RBM47: variants seen among roughly 807,000 people sequenced by gnomAD.
The protein encoded by RBM47 is RNA-binding protein 47.
In RBM47, 21 loss-of-function variants were observed where a neutral mutation model predicts 47.1. The ratio of observed to expected loss-of-function variants is 0.45; its 90% CI spans 0.32 to 0.64. RBM47 has a LOEUF of 0.64. Among genes scored for constraint, RBM47 ranks in the 30% least tolerant of loss-of-function variants. RBM47 has a pLI of 0.05. For missense variants in RBM47, 708 were observed against 870.9 expected (o/e 0.81, Z 2.35); for synonymous variants, 375 against 361.7 (o/e 1.04, Z -0.42).
intron 3 of RBM47, among the ~76,000 whole-genome samples, chr4:40,450,109 C>A (rs930244428): frequency 1.3e-5 from 2 of 152,166 alleles, no homozygotes; most frequent in African/African-American, 2.4e-5. Flanking sequence ...TTTTTCCAAT[C>A]CATGAACAAA....
chr4:40,438,837 G>C lies in RBM47; in HGVS notation c.57C>G (p.Ser19=), dbSNP rs1052153. ...AMSSDSAAGS[S]AKVPEGVAGA... is the part of the protein sequence containing the mutation. Reference sequence around the variant, plus strand: ...CCGCCACGCCCTCGGGCACCTTGGCGGAGGACCCGGCGGCCGAGTCACTGC... The same window carrying C: ...CCGCCACGCCCTCGGGCACCTTGGCCGAGGACCCGGCGGCCGAGTCACTGC... The change falls in exon 4 of 7, where the codon TCC becomes TCG. Residue 19 remains serine (S), a synonymous_variant. Coordinates refer to ENST00000295971, the MANE Select transcript of RBM47 (RefSeq NM_001098634.2). The C allele has an allele frequency of 0.88, 1,369,290 of 1,557,004 alleles. 603,850 individuals carry two copies. Among genetic ancestry groups the C allele is most frequent in the Non-Finnish European group, 0.9 (1,036,417 of 1,156,828 alleles).
chr4:40,452,462 C>T (rs1715590345), intron 3 of RBM47, among the ~76,000 whole-genome samples: 1 of 152,046 alleles, frequency 6.6e-6, no homozygotes, highest in Non-Finnish European at 1.5e-5. Flanking sequence ...TTTATTTATT[C>T]AGAGGAATAG....
At chr4:40,538,700 A>C (rs1173943118) in intron 2 of RBM47, among the ~76,000 whole-genome samples, 1 of 151,664 alleles carries the variant, frequency 6.6e-6, no homozygotes, top group African/African-American at 2.4e-5. Flanking sequence ...GGAGTGGCAC[A>C]ATCTTGGTTC....
chr4:40,430,385 C>T (rs1180827479), intron 6 of RBM47, among the ~76,000 whole-genome samples: 1 of 152,178 alleles, frequency 6.6e-6, no homozygotes, highest in Non-Finnish European at 1.5e-5. Context: ...TCATGAATTT[C>T]TTACTAAAGG....
Position 40,425,857 on chromosome 4 carries a change from T to C in RBM47, c.*47A>G, listed in dbSNP as rs764603609. On this transcript the variant is annotated 3_prime_UTR_variant, in exon 7 of 7. Transcript: ENST00000295971. The stretch of plus-strand genomic sequence containing the variant: ...TCCTTCTTCATAAATAGTCAAGCGT[T>C]CCTTCAGTGGTGTTTGTGTGGTCTG... The C allele has an allele frequency of 6.3e-7, 1 of 1,586,682 alleles. No individual in the cohort carries two copies. Among genetic ancestry groups the C allele is most frequent in the Non-Finnish European group, 8.6e-7 (1 of 1,160,870 alleles).
chr4:40,508,236 T>G lies in RBM47; in HGVS notation c.-155+36186A>C, dbSNP rs139944115. ...TCACTGTAAAGTCATAAAACTTTTC[T>G]GATGCTTAGTTTCCTCATGTACAAA... On this transcript the variant is annotated intron_variant, in intron 2 of 6. Coordinates refer to ENST00000295971, the MANE Select transcript of RBM47 (RefSeq NM_001098634.2). Among the ~76,000 whole-genome samples the G allele has an allele frequency of 4.2e-3, 643 of 152,362 alleles. 15 individuals are homozygous for G. Among genetic ancestry groups the G allele is most frequent in the Admixed American group, 0.03 (465 of 15,304 alleles).
At chr4:40,431,320 G>A (rs1455541882) in intron 6 of RBM47, among the ~76,000 whole-genome samples, 3 of 152,112 alleles carry the variant, frequency 2.0e-5, no homozygotes, top group Non-Finnish European at 4.4e-5. Flanking sequence ...GAACACACTG[G>A]CAGCCATAGG....
chr4:40,600,945 A>T (rs1735211408), intron 1 of RBM47, among the ~76,000 whole-genome samples: 1 of 136,270 alleles, frequency 7.3e-6, no homozygotes, highest in African/African-American at 2.6e-5. Context: ...AGATCGCGCC[A>T]CTGCACTCTA....
intron 1 of RBM47, among the ~76,000 whole-genome samples, chr4:40,572,373 A>C (rs1162408787): frequency 6.6e-6 from 1 of 152,002 alleles, no homozygotes; most frequent in Non-Finnish European, 1.5e-5. Flanking sequence ...TCTCAAAAAA[A>C]AAAAGGCAAT....
chr4:40,597,636 C>A (rs1734876864), intron 1 of RBM47, among the ~76,000 whole-genome samples: 1 of 152,140 alleles, frequency 6.6e-6, no homozygotes, highest in Non-Finnish European at 1.5e-5. Flanking sequence ...AATATGTATT[C>A]ATTTAAATGA....
chr4:40,444,533 C>G (rs1297407067), intron 3 of RBM47, among the ~76,000 whole-genome samples: 1 of 152,126 alleles, frequency 6.6e-6, no homozygotes, highest in East Asian at 1.9e-4. Context: ...TATTTACTCT[C>G]CGGCTCTGTT....
At chr4:40,498,573 G>A (rs987745895) in intron 2 of RBM47, among the ~76,000 whole-genome samples, 2 of 150,976 alleles carry the variant, frequency 1.3e-5, no homozygotes, top group African/African-American at 4.9e-5. Context: ...AACTACTTGG[G>A]AGGCTAAGGC....
chr4:40,624,201 C>T (rs1212441182), intron 1 of RBM47, among the ~76,000 whole-genome samples: 2 of 152,140 alleles, frequency 1.3e-5, no homozygotes, highest in South Asian at 2.1e-4. Context: ...AGGCATTTTA[C>T]AGTTGGGGAA....
At chr4:40,542,975 C>T (rs540255003) in intron 2 of RBM47, 10 of 152,314 alleles carry the variant, frequency 6.6e-5, no homozygotes, top group African/African-American at 2.4e-4. Context: ...GTCCTAATTA[C>T]TTCTTAATTA....
In RBM47 at chr4:40,429,805, G is replaced by GT. The variant is rs370481391; in HGVS notation, c.1542+2845dup. On this transcript the variant is annotated intron_variant, in intron 6 of 6. Coordinates refer to ENST00000295971, the MANE Select transcript of RBM47 (RefSeq NM_001098634.2). The stretch of plus-strand genomic sequence containing the variant: ...CCTTGCTCTAACTATACCAAGAGGT[G>GT]TTGTTAAATTGGCTAAATAGGAACA... 3.2e-3 allele frequency among the ~76,000 whole-genome samples: 490 copies of GT among 151,658 alleles called. 4 individuals carry two copies. The highest frequency in any genetic ancestry group is 0.011 in the African/African-American group (468 of 41,290).
rs187305226 is a variant in RBM47 at position 40,479,881 on chromosome 4, C to T, written c.-154-13182G>A. ...CTATAGCTAACTCCTACATACAGCC[C>T]TTGTCCTTCACCAGGCACTGTTCTA... On this transcript the variant is annotated intron_variant, in intron 2 of 6. Transcript: ENST00000295971. 1.1e-3 allele frequency among the ~76,000 whole-genome samples: 167 copies of T among 152,102 alleles called. 2 individuals are homozygous for T. The highest frequency in any genetic ancestry group is 1.9e-3 in the Admixed American group (29 of 15,268).
At chr4:40,554,747 C>T (rs2154265008) in intron 1 of RBM47, among the ~76,000 whole-genome samples, 1 of 147,276 alleles carries the variant, frequency 6.8e-6, no homozygotes, top group African/African-American at 2.5e-5. Context: ...CCCCATCTCT[C>T]TCTCCTTTCT....
intron 1 of RBM47, among the ~76,000 whole-genome samples, chr4:40,624,915 G>A (rs1355506929): frequency 8.3e-4 from 1 of 1,210 alleles, no homozygotes; most frequent in Non-Finnish European, 1.5e-3. Context: ...GCAGTGGCGC[G>A]ATCAGCTCAC....
At chr4:40,471,534 C>T (rs1718872292) in intron 2 of RBM47, among the ~76,000 whole-genome samples, 1 of 152,172 alleles carries the variant, frequency 6.6e-6, no homozygotes, top group East Asian at 1.9e-4. Context: ...CCCATCTCTA[C>T]TAAAAATACA....
Sources: gnomAD v4.1 joint callset for allele counts (sites outside exome capture counted in the v4.1 genomes callset) on GRCh38, gnomAD v4.1.1 for gene constraint, MANE v1.5 for transcripts, NCBI Gene and HGNC (gene_info 2026-07-23, HGNC 2026-07-21) for gene names.